Variants in GRM5 observed in about 807,000 individuals in gnomAD.
GRM5 encodes the protein glutamate metabotropic receptor 5, also known as metabotropic glutamate receptor 5.
Under a neutral mutation model 83.1 loss-of-function variants are expected in GRM5, and 19 were observed. That is an observed-to-expected ratio of 0.23 (90% confidence interval 0.16 to 0.34). GRM5 has a LOEUF of 0.34. GRM5 is among the 10% of genes least tolerant of loss of function. GRM5 has a pLI of 1.00. For missense variants in GRM5, 1,160 were observed against 1,588.3 expected (o/e 0.73, Z 4.58); for synonymous variants, 675 against 633.6 (o/e 1.07, Z -0.98).
intron 2 of GRM5, among the ~76,000 whole-genome samples, chr11:88,971,854 G>A (rs1271345892): frequency 6.6e-6 from 1 of 152,046 alleles, no homozygotes; most frequent in Non-Finnish European, 1.5e-5. Flanking sequence ...AGAGCTTCCT[G>A]GGGAAGAGTA....
chr11:88,949,660 A>C (rs1938392833), intron 2 of GRM5, among the ~76,000 whole-genome samples: 1 of 152,214 alleles, frequency 6.6e-6, no homozygotes, highest in Non-Finnish European at 1.5e-5. Context: ...AAGAAAGTTA[A>C]AGCAAAACGT....
At chr11:88,834,902 G>C (rs1944064495) in intron 3 of GRM5, among the ~76,000 whole-genome samples, 1 of 152,076 alleles carries the variant, frequency 6.6e-6, no homozygotes, top group Non-Finnish European at 1.5e-5. Flanking sequence ...TTCGATTTTA[G>C]GGTGTGAGAA....
At chr11:88,556,046 G>T (rs938784084) in intron 8 of GRM5, among the ~76,000 whole-genome samples, 3 of 152,114 alleles carry the variant, frequency 2.0e-5, no homozygotes, top group African/African-American at 7.2e-5. Flanking sequence ...TAGAAAAGCA[G>T]TTAAGCAGAA....
intron 3 of GRM5, among the ~76,000 whole-genome samples, chr11:88,708,478 G>T (rs898077548): frequency 4.1e-4 from 63 of 152,058 alleles, no homozygotes; most frequent in African/African-American, 1.4e-3. Context: ...TTTGAGGTAT[G>T]AGTATTGTTT....
At chr11:88,714,684 T>C (rs1941362000) in intron 3 of GRM5, among the ~76,000 whole-genome samples, 2 of 151,868 alleles carry the variant, frequency 1.3e-5, no homozygotes, top group African/African-American at 4.8e-5. Context: ...TAAACACACT[T>C]GTGAAGGAGC....
chr11:88,819,288 G>T (rs2135507232), intron 3 of GRM5, among the ~76,000 whole-genome samples: 1 of 152,270 alleles, frequency 6.6e-6, no homozygotes, highest in Admixed American at 6.5e-5. Flanking sequence ...ATCAAAATAT[G>T]AAGATACTTT....
chr11:88,652,321 A>G (rs1939652539), intron 4 of GRM5, among the ~76,000 whole-genome samples: 1 of 152,036 alleles, frequency 6.6e-6, no homozygotes, highest in African/African-American at 2.4e-5. Flanking sequence ...TACAAACTTT[A>G]ACCTTTGCAG....
At chr11:88,999,566 A>T (rs1006151848) in intron 2 of GRM5, among the ~76,000 whole-genome samples, 1 of 152,200 alleles carries the variant, frequency 6.6e-6, no homozygotes, top group Non-Finnish European at 1.5e-5. Context: ...TAGAATGGTG[A>T]TCATTAAAAA....
chr11:88,682,405 A>C (rs1940518361), intron 3 of GRM5, among the ~76,000 whole-genome samples: 1 of 151,944 alleles, frequency 6.6e-6, no homozygotes, highest in Non-Finnish European at 1.5e-5. Context: ...TGCTGAGCTT[A>C]CAATTCAAAC....
intron 2 of GRM5, among the ~76,000 whole-genome samples, chr11:88,995,544 CAAAAAAAAAAAAA>C (rs1022656205): frequency 3.5e-4 from 6 of 16,912 alleles, no homozygotes; most frequent in East Asian, 2.1e-3. Flanking sequence ...GACTCCATCT[CAAAAAAAAAAAAA>C]AAAAAAAAAA....
intron 3 of GRM5, among the ~76,000 whole-genome samples, chr11:88,825,277 A>AT (rs979596784): frequency 9.2e-5 from 14 of 151,564 alleles, no homozygotes; most frequent in South Asian, 6.2e-4. Context: ...GTACTGCTGA[A>AT]TTTTTTCTTT....
intron 2 of GRM5, among the ~76,000 whole-genome samples, chr11:89,013,224 A>G (rs1462054342): frequency 6.6e-6 from 1 of 152,034 alleles, no homozygotes; most frequent in African/African-American, 2.4e-5. Flanking sequence ...CATATGTGTT[A>G]TTTTTCTGCA....
chr11:88,930,157 C>A (rs1395189173), intron 2 of GRM5, among the ~76,000 whole-genome samples: 1 of 151,934 alleles, frequency 6.6e-6, no homozygotes, highest in Non-Finnish European at 1.5e-5. Context: ...ACCTGTAATA[C>A]CAATGACTTG....
intron 7 of GRM5, among the ~76,000 whole-genome samples, chr11:88,585,422 T>C (rs1164817373): frequency 6.6e-6 from 1 of 152,230 alleles, no homozygotes; most frequent in Non-Finnish European, 1.5e-5. Flanking sequence ...AATGACTAGA[T>C]GACTGAATGA....
chr11:88,682,310 A>ATGT (rs1940516647), intron 3 of GRM5, among the ~76,000 whole-genome samples: 1 of 152,184 alleles, frequency 6.6e-6, no homozygotes, highest in Admixed American at 6.5e-5. Flanking sequence ...GGCCTGTGAG[A>ATGT]TGTAAAGCAG....
intron 4 of GRM5, among the ~76,000 whole-genome samples, chr11:88,608,264 C>T (rs1461237060): frequency 6.6e-6 from 1 of 152,102 alleles, no homozygotes; most frequent in African/African-American, 2.4e-5. Context: ...GAGCTTGCTT[C>T]ACAAGTTGCA....
chr11:88,842,836 G>T, intron 3 of GRM5, among the ~76,000 whole-genome samples: 1 of 151,950 alleles, frequency 6.6e-6, no homozygotes, highest in South Asian at 2.1e-4. Flanking sequence ...TCTCTTCTGA[G>T]CTCTCAACTT....
At chr11:88,572,219 A>G (rs1220048212) in intron 7 of GRM5, among the ~76,000 whole-genome samples, 1 of 152,230 alleles carries the variant, frequency 6.6e-6, no homozygotes, top group Non-Finnish European at 1.5e-5. Flanking sequence ...AATAAGAGAC[A>G]TGGAAATAAA....
intron 3 of GRM5, among the ~76,000 whole-genome samples, chr11:88,717,163 A>G (rs944071308): frequency 1.2e-4 from 19 of 152,098 alleles, no homozygotes; most frequent in African/African-American, 4.6e-4. Flanking sequence ...AGCCACTTAA[A>G]TAGGAATCAG....
Sources: gnomAD v4.1 joint callset for allele counts (sites outside exome capture counted in the v4.1 genomes callset) on GRCh38, gnomAD v4.1.1 for gene constraint, MANE v1.5 for transcripts, NCBI Gene and HGNC (gene_info 2026-07-23, HGNC 2026-07-21) for gene names.